TECPR2: variants seen among roughly 807,000 people sequenced by gnomAD.
TECPR2 encodes the protein tectonin beta-propeller repeat containing 2.
Under a neutral mutation model 138.1 loss-of-function variants are expected in TECPR2, and 65 were observed. That is an observed-to-expected ratio of 0.47 (90% confidence interval 0.39 to 0.58). The LOEUF (loss-of-function observed/expected upper bound fraction) is 0.58, where lower values mean the gene tolerates loss of function less well. TECPR2 is among the 20% of genes least tolerant of loss of function. TECPR2 has a pLI of 0.00. For missense variants in TECPR2, 1,553 were observed against 1,824.5 expected (o/e 0.85, Z 2.71); for synonymous variants, 746 against 749.8 (o/e 0.99, Z 0.08).
intron 10 of TECPR2, 30 bp downstream of exon 10, chr14:102,438,235 C>G (rs956707493): frequency 1.8e-6 from 2 of 1,104,912 alleles, no homozygotes; most frequent in Non-Finnish European, 2.6e-6. Context: ...GCTCCCGCTC[C>G]CTGCTCCCGC....
At chr14:102,365,881 G>A (rs1887334618) in intron 1 of TECPR2, among the ~76,000 whole-genome samples, 1 of 152,172 alleles carries the variant, frequency 6.6e-6, no homozygotes, top group African/African-American at 2.4e-5. Context: ...ATGGGGATGG[G>A]AGCAAGGAAG....
chr14:102,405,132 ACT>A (rs1567326564), intron 2 of TECPR2, among the ~76,000 whole-genome samples: 1 of 151,530 alleles, frequency 6.6e-6, no homozygotes, highest in Admixed American at 6.6e-5. Flanking sequence ...ACATGGGGAA[ACT>A]CTGTCTCTAC....
chr14:102,480,945 A>G (rs145174860), intron 17 of TECPR2, among the ~76,000 whole-genome samples: 2 of 136,432 alleles, frequency 1.5e-5, no homozygotes, highest in East Asian at 4.5e-4. Flanking sequence ...CTTGGGTTCA[A>G]GTGATTCTCC....
intron 2 of TECPR2, among the ~76,000 whole-genome samples, chr14:102,392,933 G>A (rs1026222898): frequency 3.3e-5 from 5 of 152,124 alleles, no homozygotes; most frequent in Non-Finnish European, 4.4e-5. Context: ...TTTTTTATTC[G>A]TTCCAATCAA....
At chr14:102,442,339 C>T (rs1158542608) in intron 11 of TECPR2, among the ~76,000 whole-genome samples, 2 of 152,234 alleles carry the variant, frequency 1.3e-5, no homozygotes, top group African/African-American at 4.8e-5. Context: ...GAAGCTCTTG[C>T]ACAGCTGGCT....
At chr14:102,448,500 G>A (rs1350653172) in intron 13 of TECPR2, among the ~76,000 whole-genome samples, 1 of 152,164 alleles carries the variant, frequency 6.6e-6, no homozygotes, top group East Asian at 1.9e-4. Flanking sequence ...TTAGAGTCTA[G>A]ATACCCAGGA....
chr14:102,498,994 T>TGCACCGCACC lies in TECPR2; in HGVS notation c.*749_*758dup, dbSNP rs563322831. 3.9e-5 allele frequency: 27 copies of TGCACCGCACC among 692,824 alleles called. No homozygotes were observed. The highest frequency in any genetic ancestry group is 6.1e-5 in the Admixed American group (3 of 48,934). The allele number at this position is 692,824 out of a possible 1,614,324, so 42.9% of individuals were successfully genotyped here. ...CAACACACCACACCCCACACCGCAC[T>TGCACCGCACC]GCACCGCACCGCACCGCACCGTACC... On this transcript the variant is annotated 3_prime_UTR_variant, in exon 20 of 20. Transcript: ENST00000359520.
chr14:102,385,618 ACT>A (rs1702982028), intron 2 of TECPR2, among the ~76,000 whole-genome samples: 1 of 151,996 alleles, frequency 6.6e-6, no homozygotes, highest in African/African-American at 2.4e-5. Context: ...ATAGAAGGGG[ACT>A]CTGGGAGAAT....
intron 3 of TECPR2, among the ~76,000 whole-genome samples, chr14:102,408,131 G>A (rs555553454): frequency 6.6e-5 from 10 of 151,636 alleles, no homozygotes; most frequent in Non-Finnish European, 1.0e-4. Context: ...ATTGTACCAC[G>A]CTACTGCACT....
At chr14:102,380,899 C>T (rs536157733) in intron 2 of TECPR2, among the ~76,000 whole-genome samples, 1 of 151,510 alleles carries the variant, frequency 6.6e-6, no homozygotes, top group South Asian at 2.1e-4. Flanking sequence ...AGGATGGTCT[C>T]GATCTCCTGA....
intron 2 of TECPR2, among the ~76,000 whole-genome samples, chr14:102,404,188 A>C (rs1422479621): frequency 6.6e-6 from 1 of 151,926 alleles, no homozygotes; most frequent in Non-Finnish European, 1.5e-5. Flanking sequence ...ACAGGCATGA[A>C]TCACCCCGAC....
Position 102,414,636 on chromosome 14 carries a change from G to A in TECPR2, c.481G>A (p.Gly161Arg). Residue 161 changes from glycine to arginine, a missense_variant and splice_region_variant, in exon 5 of 20, where the codon GGG (glycine) becomes AGG (arginine). By Grantham distance (125) the Gly-to-Arg change is moderately radical (BLOSUM62 -2). Coordinates refer to ENST00000359520, the MANE Select transcript of TECPR2 (RefSeq NM_014844.5). ...GGTGTAACCAGACTTTCTCTGCCAG[G>A]GGCTCTGTAACTCCCAGCTGGTGTT... is the stretch of plus-strand genomic sequence containing the variant. ...IVYSSLDLDQ[G>R]LCNSQLVLEE... 4 of 1,614,080 alleles carry A rather than the reference G, an allele frequency of 2.5e-6. No individual in the cohort carries two copies. Among genetic ancestry groups the A allele is most frequent in the Non-Finnish European group, 3.4e-6 (4 of 1,179,994 alleles).
At chr14:102,425,961 T>C (rs1331836689) in intron 6 of TECPR2, among the ~76,000 whole-genome samples, 1 of 149,130 alleles carries the variant, frequency 6.7e-6, no homozygotes, top group Non-Finnish European at 1.5e-5. Context: ...CTGGGCTCAC[T>C]GCAACCTCCA....
rs1891443164 is a variant in TECPR2, at chr14:102,501,861, C to G, written c.*3604C>G. 1 of 152,350 alleles carries G rather than the reference C, an allele frequency of 6.6e-6. No individual in the cohort carries two copies. Among genetic ancestry groups the G allele is most frequent in the Admixed American group, 6.5e-5 (1 of 15,304 alleles). The allele number at this position is 152,350 out of a possible 1,614,324, so 9.4% of individuals were successfully genotyped here. A position where few individuals can be genotyped will look rare whatever the true frequency, so the allele number is the denominator to read the frequency against. On this transcript the variant is annotated 3_prime_UTR_variant, in exon 20 of 20. Transcript: ENST00000359520. ...AAAGCAGAAGGAACACTGGCCCAAACCCCCAGCACCCCGGAAGCAGAGGTG... is the reference window on the plus strand; with the variant it reads ...AAAGCAGAAGGAACACTGGCCCAAAGCCCCAGCACCCCGGAAGCAGAGGTG...
At chr14:102,453,936 G>A (rs1890215674) in intron 16 of TECPR2, among the ~76,000 whole-genome samples, 1 of 151,950 alleles carries the variant, frequency 6.6e-6, no homozygotes, top group South Asian at 2.1e-4. Flanking sequence ...ATCACCTGAG[G>A]TCAGGAGTTC....
chr14:102,445,291 C>A (rs1334480032), intron 12 of TECPR2, among the ~76,000 whole-genome samples: 1 of 152,158 alleles, frequency 6.6e-6, no homozygotes, highest in Non-Finnish European at 1.5e-5. Context: ...CACAGAATAG[C>A]CTGGCACATC....
intron 16 of TECPR2, 97 bp downstream of exon 16, chr14:102,452,724 C>T: frequency 1.0e-6 from 1 of 966,446 alleles, no homozygotes; most frequent in East Asian, 2.7e-5. Flanking sequence ...CTGTGTCCAA[C>T]CTGTGAGAGT....
At chr14:102,413,408 C>A (rs2139701462) in intron 4 of TECPR2, among the ~76,000 whole-genome samples, 1 of 150,944 alleles carries the variant, frequency 6.6e-6, no homozygotes, top group East Asian at 1.9e-4. Flanking sequence ...GAGACAGAGT[C>A]TCACTGTGTT....
intron 16 of TECPR2, among the ~76,000 whole-genome samples, chr14:102,456,607 T>G (rs1488280708): frequency 6.7e-6 from 1 of 149,430 alleles, no homozygotes; most frequent in African/African-American, 2.5e-5. Context: ...TTTTTTTTTT[T>G]GAGACAGAGT....
Sources: allele counts gnomAD v4.1 joint callset (sites outside exome capture counted in the v4.1 genomes callset), GRCh38; gene constraint gnomAD v4.1.1; transcripts MANE v1.5; gene names NCBI Gene and HGNC (gene_info 2026-07-23, HGNC 2026-07-21).